LRRK1: variants seen among roughly 807,000 people sequenced by gnomAD.
LRRK1 encodes leucine-rich repeat serine/threonine-protein kinase 1.
LRRK1 carries 113 observed loss-of-function variants against 209.1 expected under a neutral mutation model. The observed-to-expected ratio is 0.54, with a 90% CI of 0.46 to 0.63. LRRK1 has a LOEUF of 0.63. Ranked by LOEUF, LRRK1 falls within the 30% of genes least tolerant of loss-of-function variation. LRRK1 has a pLI of 0.00. For synonymous variants in LRRK1, 1,144 were observed against 1,099.7 expected (o/e 1.04, Z -0.80); for missense variants, 2,284 against 2,632.2 (o/e 0.87, Z 2.89).
intron 31 of LRRK1, chr15:101,064,422 CGCGGTGTCTAG>C (rs1447229311): frequency 6.5e-6 from 1 of 153,148 alleles, no homozygotes; most frequent in Non-Finnish European, 1.5e-5. Flanking sequence ...CCACAGCCGA[CGCGGTGTCTAG>C]GCTGCGGAGC....
At chr15:100,941,358 G>GTGTGTGACTGTATC (rs2042413517) in intron 2 of LRRK1, among the ~76,000 whole-genome samples, 1 of 142,082 alleles carries the variant, frequency 7.0e-6, no homozygotes, top group African/African-American at 2.8e-5. Context: ...TTGTGTGTGT[G>GTGTGTGACTGTATC]TGTGTGTGCC....
chr15:101,027,303 A>G lies in LRRK1; in HGVS notation c.2448A>G (p.Arg816=), dbSNP rs2034075437. The change falls in exon 18 of 34, where the codon CGA becomes CGG. Residue 816 remains arginine (R), a synonymous_variant. Transcript: ENST00000388948. This position sits in a 1 kb window ranked among gnomAD's most constrained non-coding sequence, Gnocchi z 5.1. The stretch of plus-strand genomic sequence containing the variant: ...GCCTGGAAGGTCAGGAAGGGCTGCG[A>G]CAGCTGATTTTCCACGTCACGTGCA... ...CKSLEGQEGL[R]QLIFHVTCSM... is the part of the protein sequence containing the mutation. 6.2e-7 allele frequency: 1 copy of G among 1,613,974 alleles called. No homozygotes were observed. The highest frequency in any genetic ancestry group is 8.5e-7 in the Non-Finnish European group (1 of 1,180,022).
chr15:100,999,884 G>C lies in LRRK1; in HGVS notation c.763-8953G>C, dbSNP rs575927125. 5.3e-5 allele frequency among the ~76,000 whole-genome samples: 8 copies of C among 152,272 alleles called. No individual in the cohort carries two copies. The South Asian group carries it at 1.7e-3, about 32-fold the overall frequency. On this transcript the variant is annotated intron_variant, in intron 6 of 33. Transcript: ENST00000388948. The stretch of plus-strand genomic sequence containing the variant: ...TGTTTAGTACAGATTGTTACATGTT[G>C]ACTGTTTAATATATGATCAGAAGTG...
rs1394932821 is a variant in LRRK1 at position 101,070,398 on chromosome 15, T to TTCTC, written c.*1553_*1556dup. On this transcript the variant is annotated 3_prime_UTR_variant, in exon 34 of 34. Coordinates refer to ENST00000388948, the MANE Select transcript of LRRK1 (RefSeq NM_024652.6). ...GTGCTTCCTGTCTACCTCCCTGCCA[T>TTCTC]TCTCTCACCCTCATCCCACAGCAGG... The TTCTC allele has an allele frequency of 6.7e-6, 1 of 148,306 alleles. No individual in the cohort carries two copies. Among genetic ancestry groups the TTCTC allele is most frequent in the Non-Finnish European group, 1.5e-5 (1 of 67,406 alleles). The allele number at this position is 148,306 out of a possible 1,614,324, so 9.2% of individuals were successfully genotyped here.
At chr15:101,030,609 C>T (rs2034239179) in intron 20 of LRRK1, among the ~76,000 whole-genome samples, 1 of 152,132 alleles carries the variant, frequency 6.6e-6, no homozygotes, top group Non-Finnish European at 1.5e-5. Context: ...GGGAGTGGCA[C>T]TCTAGGCTCC....
At chr15:100,997,432 C>G (rs1596252028) in intron 6 of LRRK1, among the ~76,000 whole-genome samples, 1 of 152,106 alleles carries the variant, frequency 6.6e-6, no homozygotes, top group East Asian at 1.9e-4. Context: ...CTGGCTGTCA[C>G]AGTGCTCACA....
chr15:101,037,342 G>A (rs2034532468), intron 20 of LRRK1, among the ~76,000 whole-genome samples: 1 of 152,176 alleles, frequency 6.6e-6, no homozygotes, highest in East Asian at 1.9e-4. Flanking sequence ...CCAACCTTAG[G>A]CCCTCAGGAG....
At chr15:100,920,746 CGTCTGTGTGT>C (rs1443415856) in intron 1 of LRRK1, among the ~76,000 whole-genome samples, 5 of 150,450 alleles carry the variant, frequency 3.3e-5, no homozygotes, top group African/African-American at 9.8e-5. Flanking sequence ...TAGCAGCGTG[CGTCTGTGTGT>C]GTCTGTGTGT....
Position 101,071,943 on chromosome 15 carries a change from CT to C in LRRK1, c.*3096del, listed in dbSNP as rs1330181245. The C allele has an allele frequency of 1.3e-5, 2 of 152,254 alleles. No homozygotes were observed. Among genetic ancestry groups the C allele is most frequent in the Non-Finnish European group, 2.9e-5 (2 of 68,092 alleles). The allele number at this position is 152,254 out of a possible 1,614,324, so 9.4% of individuals were successfully genotyped here. A position where few individuals can be genotyped will look rare whatever the true frequency, so the allele number is the denominator to read the frequency against. On this transcript the variant is annotated 3_prime_UTR_variant, in exon 34 of 34. Coordinates refer to ENST00000388948, the MANE Select transcript of LRRK1 (RefSeq NM_024652.6). ...CAAGGGCCTTGCACATGCAAAGACCCTGTTGTGGGTTCAAGCCACTGTGTGG... is the reference window on the plus strand; with the variant it reads ...CAAGGGCCTTGCACATGCAAAGACCCGTTGTGGGTTCAAGCCACTGTGTGG...
At chr15:101,065,240 G>C (rs2036461260) in intron 31 of LRRK1, 112 bp from the exon 32 acceptor site, 2 of 1,342,716 alleles carry the variant, frequency 1.5e-6, no homozygotes, top group Non-Finnish European at 2.0e-6. Flanking sequence ...CGCACTGGTG[G>C]AAAGTGACTG....
rs574629137 is a variant in LRRK1, at chr15:100,982,600, C to A, written c.262-928C>A. Among the ~76,000 whole-genome samples the A allele has an allele frequency of 7.2e-5, 11 of 152,332 alleles. No homozygotes were observed. The South Asian group carries it at 2.3e-3, about 32-fold the overall frequency. On this transcript the variant is annotated intron_variant, in intron 3 of 33. Coordinates refer to ENST00000388948, the MANE Select transcript of LRRK1 (RefSeq NM_024652.6). ...GTTTCCACCATATCCTTTCCTTCCT[C>A]TGGGCCACCAAGTCAAGAGTCCCTC... is the stretch of plus-strand genomic sequence containing the variant.
intron 27 of LRRK1, 99 bp from the exon 28 acceptor site, chr15:101,056,757 C>A: frequency 1.1e-6 from 1 of 895,404 alleles, no homozygotes. Context: ...GTTTGTTTTC[C>A]TTGTCTAATT....
chr15:100,923,674 C>T (rs1450701415), intron 1 of LRRK1, among the ~76,000 whole-genome samples: 3 of 152,222 alleles, frequency 2.0e-5, no homozygotes, highest in Non-Finnish European at 4.4e-5. Flanking sequence ...CATAGAAGAG[C>T]AGCACTTGGT....
intron 3 of LRRK1, among the ~76,000 whole-genome samples, chr15:100,979,993 G>A (rs2031510742): frequency 6.6e-6 from 1 of 152,160 alleles, no homozygotes; most frequent in Non-Finnish European, 1.5e-5. Context: ...ATGTAACATG[G>A]TACAATCACG....
At chr15:101,049,432 C>G in intron 22 of LRRK1, 1 of 508,732 alleles carries the variant, frequency 2.0e-6, no homozygotes, top group Non-Finnish European at 3.4e-6. Flanking sequence ...CTGCAATCTT[C>G]CTCGTGCCTC....
chr15:101,021,916 A>C lies in LRRK1; in HGVS notation c.1811A>C (p.Asp604Ala). Residue 604 changes from aspartate to alanine, a missense_variant, in exon 14 of 34, where the codon GAC (aspartate) becomes GCC (alanine). Coordinates refer to ENST00000388948, the MANE Select transcript of LRRK1 (RefSeq NM_024652.6). The part of the protein sequence containing the change: ...LGNLWQLDTE[D>A]LTISNVPAEI... ...AACCTCTGGCAGCTGGACACTGAAGACCTGACCATCAGCAATGTGCCTGCA... is the reference window on the plus strand; with the variant it reads ...AACCTCTGGCAGCTGGACACTGAAGCCCTGACCATCAGCAATGTGCCTGCA... 6.2e-7 allele frequency: 1 copy of C among 1,613,924 alleles called. No individual in the cohort carries two copies. Among genetic ancestry groups the C allele is most frequent in the Non-Finnish European group, 8.5e-7 (1 of 1,179,962 alleles).
intron 2 of LRRK1, among the ~76,000 whole-genome samples, chr15:100,960,311 T>C (rs1023641816): frequency 5.4e-5 from 7 of 129,924 alleles, no homozygotes; most frequent in African/African-American, 1.9e-4. Context: ...GCTTTTTAAA[T>C]GTGTAGAACT....
At chr15:100,941,348 TTGTG>T (rs200747812) in intron 2 of LRRK1, among the ~76,000 whole-genome samples, 897 of 44,722 alleles carry the variant, frequency 0.02, 18 homozygotes, top group East Asian at 0.12. Context: ...GTGTGTGTCT[TTGTG>T]TGTGTGTGTG....
chr15:101,060,506 G>A (rs955879540), intron 29 of LRRK1, among the ~76,000 whole-genome samples: 6 of 152,194 alleles, frequency 3.9e-5, no homozygotes, highest in Non-Finnish European at 5.9e-5. Context: ...TTAAAATTTG[G>A]TGGCAGGAGA....
Sources: allele counts gnomAD v4.1 joint callset (sites outside exome capture counted in the v4.1 genomes callset), GRCh38; gene constraint gnomAD v4.1.1; non-coding constraint Gnocchi (gnomAD v3.1); transcripts MANE v1.5; gene names NCBI Gene and HGNC (gene_info 2026-07-23, HGNC 2026-07-21).